The following PDE10A variants were observed in gnomAD, a reference collection of about 807,000 sequenced individuals.
The protein encoded by PDE10A is phosphodiesterase 10A, also known as cAMP and cAMP-inhibited cGMP 3',5'-cyclic phosphodiesterase 10A.
In PDE10A, 39 loss-of-function variants were observed where a neutral mutation model predicts 97.7. The ratio of observed to expected loss-of-function variants is 0.40; its 90% CI spans 0.31 to 0.52. The LOEUF (loss-of-function observed/expected upper bound fraction) is 0.52. Among genes scored for constraint, PDE10A ranks in the 20% least tolerant of loss-of-function variants. PDE10A has a pLI of 0.56. For missense variants in PDE10A, 731 were observed against 1,047.8 expected (o/e 0.70, Z 4.17); for synonymous variants, 371 against 376.8 (o/e 0.98, Z 0.18).
chr6:165,646,779 A>T (rs1237751990), intron 1 of PDE10A, among the ~76,000 whole-genome samples: 1 of 147,952 alleles, frequency 6.8e-6, no homozygotes, highest in East Asian at 1.9e-4. Context: ...GCCTGCCTGG[A>T]AGGTCTTTGA....
chr6:165,459,522 T>TAGACAGACAGAC (rs138521828), intron 3 of PDE10A, among the ~76,000 whole-genome samples: 2 of 106,118 alleles, frequency 1.9e-5, no homozygotes, highest in Non-Finnish European at 4.4e-5. Flanking sequence ...GATAGATAGA[T>TAGACAGACAGAC]AGACAGACAG....
At chr6:165,797,075 G>T (rs1417521303) in intron 1 of PDE10A, among the ~76,000 whole-genome samples, 1 of 152,172 alleles carries the variant, frequency 6.6e-6, no homozygotes, top group Non-Finnish European at 1.5e-5. Context: ...TAAAAAGCAG[G>T]ACTCTCCTAG....
chr6:165,794,881 G>A (rs1379137860), intron 1 of PDE10A, among the ~76,000 whole-genome samples: 1 of 152,192 alleles, frequency 6.6e-6, no homozygotes, highest in Non-Finnish European at 1.5e-5. Context: ...GTACTGATGA[G>A]AAAGACCCAC....
chr6:165,877,773 G>T (rs914938533), intron 1 of PDE10A, among the ~76,000 whole-genome samples: 1 of 151,958 alleles, frequency 6.6e-6, no homozygotes, highest in Admixed American at 6.6e-5. Context: ...TAACGTTCTC[G>T]AAGAGCTTGC....
intron 3 of PDE10A, among the ~76,000 whole-genome samples, chr6:165,481,060 T>C (rs1228930696): frequency 6.6e-6 from 1 of 152,174 alleles, no homozygotes; most frequent in Non-Finnish European, 1.5e-5. Flanking sequence ...TATAAAACAG[T>C]ATGTGGTATT....
intron 1 of PDE10A, among the ~76,000 whole-genome samples, chr6:165,963,280 G>A (rs537504819): frequency 6.6e-6 from 1 of 152,296 alleles, no homozygotes; most frequent in East Asian, 1.9e-4. Context: ...AAACAAATCT[G>A]TCTTATTTAC....
intron 1 of PDE10A, among the ~76,000 whole-genome samples, chr6:165,863,614 C>G (rs1035049791): frequency 2.0e-5 from 3 of 152,062 alleles, no homozygotes; most frequent in Non-Finnish European, 4.4e-5. Flanking sequence ...TTCCTTGGCG[C>G]TAATTTTTAA....
rs115584084 is a variant in PDE10A, at chr6:165,926,192, G to A, written c.-615+61337C>T. On this transcript the variant is annotated intron_variant, in intron 1 of 19. Transcript: ENST00000366882. The stretch of plus-strand genomic sequence containing the variant: ...AGTACCAGCAATAGTGGCTGATGGT[G>A]CCATCTTTGATTTCTTCTGCAGGTG... Among the ~76,000 whole-genome samples the A allele has an allele frequency of 3.7e-3, 569 of 152,212 alleles. 4 individuals are homozygous for A. Among genetic ancestry groups the A allele is most frequent in the African/African-American group, 0.013 (554 of 41,486 alleles).
At chr6:165,839,856 CCTGTCT>C (rs1562762469) in intron 1 of PDE10A, among the ~76,000 whole-genome samples, 3 of 120,926 alleles carry the variant, frequency 2.5e-5, no homozygotes, top group Non-Finnish European at 3.6e-5. Flanking sequence ...CATCTCCATC[CCTGTCT>C]CCATTCCCAT....
intron 1 of PDE10A, among the ~76,000 whole-genome samples, chr6:165,862,729 A>T (rs1279819251): frequency 6.9e-6 from 1 of 144,838 alleles, no homozygotes; most frequent in Non-Finnish European, 1.5e-5. Context: ...ACCCAGGCGG[A>T]GTGCAGTGGC....
chr6:165,496,715 C>A (rs1472094258), intron 2 of PDE10A, among the ~76,000 whole-genome samples: 1 of 152,176 alleles, frequency 6.6e-6, no homozygotes, highest in Non-Finnish European at 1.5e-5. Context: ...CAAAATGATT[C>A]TGTGATTATT....
chr6:165,414,832 A>T (rs1383504582), intron 12 of PDE10A, among the ~76,000 whole-genome samples: 1 of 152,180 alleles, frequency 6.6e-6, no homozygotes, highest in East Asian at 1.9e-4. Flanking sequence ...CATCCTGGCC[A>T]ATGTTTGCTA....
intron 1 of PDE10A, among the ~76,000 whole-genome samples, chr6:165,911,979 G>A (rs1054225018): frequency 2.6e-5 from 4 of 151,850 alleles, no homozygotes; most frequent in East Asian, 1.9e-4. Flanking sequence ...AGAGAGGGAA[G>A]TCTAAATATA....
intron 1 of PDE10A, among the ~76,000 whole-genome samples, chr6:165,586,766 T>C (rs920212954): frequency 2.6e-5 from 4 of 152,168 alleles, no homozygotes; most frequent in Admixed American, 6.5e-5. Context: ...GCTTCAGAGG[T>C]TGAAATACCA....
At chr6:165,557,437 G>T (rs1157760495) in intron 1 of PDE10A, among the ~76,000 whole-genome samples, 3 of 151,998 alleles carry the variant, frequency 2.0e-5, no homozygotes, top group Non-Finnish European at 2.9e-5. Flanking sequence ...TGTTTAAAAT[G>T]AACATTATCA....
chr6:165,438,428 T>C (rs543960023), intron 5 of PDE10A, among the ~76,000 whole-genome samples: 1 of 152,300 alleles, frequency 6.6e-6, no homozygotes, highest in South Asian at 2.1e-4. Flanking sequence ...CCTCAGGTGA[T>C]CCACCCGCCT....
chr6:165,374,097 G>A (rs1198920649), intron 18 of PDE10A, among the ~76,000 whole-genome samples: 1 of 110,364 alleles, frequency 9.1e-6, no homozygotes, highest in Non-Finnish European at 1.8e-5. Flanking sequence ...GGGGGAGGGG[G>A]GAGGGATAGC....
chr6:165,845,580 A>G (rs1159492105), intron 1 of PDE10A, among the ~76,000 whole-genome samples: 2 of 152,218 alleles, frequency 1.3e-5, no homozygotes, highest in Non-Finnish European at 2.9e-5. Context: ...TTCTGTTGGA[A>G]TCTAGAGGAT....
At chr6:165,858,532 C>T (rs1398182477) in intron 1 of PDE10A, among the ~76,000 whole-genome samples, 10 of 152,242 alleles carry the variant, frequency 6.6e-5, no homozygotes, top group Admixed American at 3.3e-4. Context: ...GGGGTGAGTG[C>T]TCCATCCCTC....
Sources: allele counts gnomAD v4.1 joint callset (sites outside exome capture counted in the v4.1 genomes callset), GRCh38; gene constraint gnomAD v4.1.1; transcripts MANE v1.5; gene names NCBI Gene and HGNC (gene_info 2026-07-23, HGNC 2026-07-21).